EXOC4: variants seen among roughly 807,000 people sequenced by gnomAD.
The protein encoded by EXOC4 is SEC8-like 1.
EXOC4 carries 71 observed loss-of-function variants against 107.2 expected under a neutral mutation model. That is an observed-to-expected ratio of 0.66 (90% CI 0.55 to 0.81). The LOEUF (loss-of-function observed/expected upper bound fraction) is 0.81, where lower values mean the gene tolerates loss of function less well. Among genes scored for constraint, EXOC4 ranks in the 30% least tolerant of loss-of-function variants. The probability of loss-of-function intolerance (pLI) is 0.00; values close to 1 mark genes in which losing one functional copy is unlikely to be tolerated. For missense variants in EXOC4, 1,108 were observed against 1,189.6 expected (o/e 0.93, Z 1.01); for synonymous variants, 456 against 441.2 (o/e 1.03, Z -0.42).
intron 1 of EXOC4, among the ~76,000 whole-genome samples, chr7:133,269,004 A>G (rs1004437503): frequency 6.6e-6 from 1 of 152,226 alleles, no homozygotes; most frequent in South Asian, 2.1e-4. Flanking sequence ...ACAATAATTT[A>G]TAAGTCATAA....
intron 9 of EXOC4, among the ~76,000 whole-genome samples, chr7:133,543,377 G>A (rs2150933826): frequency 6.6e-6 from 1 of 152,066 alleles, no homozygotes; most frequent in Admixed American, 6.5e-5. Flanking sequence ...CCCTAGTGTT[G>A]AGTCTCAGAG....
chr7:133,655,783 C>A (rs1338396371), intron 10 of EXOC4, among the ~76,000 whole-genome samples: 5 of 152,166 alleles, frequency 3.3e-5, no homozygotes, highest in Non-Finnish European at 7.4e-5. Context: ...GGCAGCTTTA[C>A]TGTTAACTTT....
intron 11 of EXOC4, among the ~76,000 whole-genome samples, chr7:133,824,374 G>C (rs576956586): frequency 1.4e-4 from 21 of 152,044 alleles, no homozygotes; most frequent in African/African-American, 4.8e-4. Flanking sequence ...CTCATCACCA[G>C]CTTGCTGTTT....
intron 9 of EXOC4, among the ~76,000 whole-genome samples, chr7:133,625,993 G>C (rs1375727464): frequency 6.6e-6 from 1 of 152,154 alleles, no homozygotes; most frequent in Non-Finnish European, 1.5e-5. Flanking sequence ...GATCACTTGA[G>C]GTCAGGAGTT....
chr7:134,042,622 C>T (rs1795546647), intron 17 of EXOC4, among the ~76,000 whole-genome samples: 1 of 152,214 alleles, frequency 6.6e-6, no homozygotes, highest in Non-Finnish European at 1.5e-5. Context: ...AGAAAGGTTA[C>T]AGGCTTTGGG....
At chr7:133,754,702 A>G (rs1340417910) in intron 10 of EXOC4, among the ~76,000 whole-genome samples, 1 of 152,228 alleles carries the variant, frequency 6.6e-6, no homozygotes, top group East Asian at 1.9e-4. Context: ...TTAAAGTCCA[A>G]CTTGATTTTA....
At chr7:133,882,411 T>C (rs566005323) in intron 11 of EXOC4, among the ~76,000 whole-genome samples, 2 of 152,218 alleles carry the variant, frequency 1.3e-5, no homozygotes, top group African/African-American at 4.8e-5. Context: ...TACTTAACTT[T>C]ACTCACTCAG....
At chr7:133,896,844 T>TTTTTTTTTTTTTTTTTTTTTTG (rs1198817578) in intron 12 of EXOC4, among the ~76,000 whole-genome samples, 2 of 87,824 alleles carry the variant, frequency 2.3e-5, no homozygotes, top group African/African-American at 2.3e-4. Context: ...TTTGTATTTT[T>TTTTTTTTTTTTTTTTTTTTTTG]AGTAGAGATG....
chr7:133,349,850 G>A (rs1010860545), intron 5 of EXOC4, among the ~76,000 whole-genome samples: 4 of 148,566 alleles, frequency 2.7e-5, no homozygotes, highest in African/African-American at 7.5e-5. Flanking sequence ...GTTTTTTTTT[G>A]GGGGGGGTGA....
At chr7:133,654,272 G>A (rs1406787384) in intron 10 of EXOC4, among the ~76,000 whole-genome samples, 1 of 152,162 alleles carries the variant, frequency 6.6e-6, no homozygotes, top group Admixed American at 6.5e-5. Context: ...CAGCAATACA[G>A]CTGAGGTTCA....
At chr7:133,819,697 A>G (rs1490397584) in intron 11 of EXOC4, among the ~76,000 whole-genome samples, 2 of 152,170 alleles carry the variant, frequency 1.3e-5, no homozygotes, top group South Asian at 2.1e-4. Flanking sequence ...CTGAAGTGTC[A>G]CGCTATATGC....
At chr7:133,820,058 A>G (rs1797475520) in intron 11 of EXOC4, among the ~76,000 whole-genome samples, 1 of 152,050 alleles carries the variant, frequency 6.6e-6, no homozygotes, top group South Asian at 2.1e-4. Flanking sequence ...GACCTTGTCA[A>G]CATATAATTA....
chr7:134,035,659 C>A (rs1053251965), intron 17 of EXOC4, among the ~76,000 whole-genome samples: 2 of 151,992 alleles, frequency 1.3e-5, no homozygotes, highest in South Asian at 4.2e-4. Flanking sequence ...TATGAAGTCC[C>A]AAGGTAGGGT....
chr7:133,441,949 G>A (rs1169915784), intron 7 of EXOC4, among the ~76,000 whole-genome samples: 3 of 152,178 alleles, frequency 2.0e-5, no homozygotes, highest in Non-Finnish European at 4.4e-5. Flanking sequence ...TGGGGACAGT[G>A]CATTGCTGCT....
At chr7:133,356,745 C>G (rs965582094) in intron 6 of EXOC4, among the ~76,000 whole-genome samples, 172 bp downstream of exon 6, 1 of 152,194 alleles carries the variant, frequency 6.6e-6, no homozygotes, top group Non-Finnish European at 1.5e-5. Context: ...CTTTGGGAGG[C>G]TGAGGCAGGC....
intron 17 of EXOC4, among the ~76,000 whole-genome samples, chr7:134,017,975 A>G (rs553386892): frequency 6.6e-6 from 1 of 152,254 alleles, no homozygotes; most frequent in Non-Finnish European, 1.5e-5. Context: ...AGAGATTAGC[A>G]TAGATAGCGA....
chr7:133,591,339 A>G (rs1283026082), intron 9 of EXOC4, among the ~76,000 whole-genome samples: 1 of 152,130 alleles, frequency 6.6e-6, no homozygotes, highest in East Asian at 1.9e-4. Context: ...AGCCTTCACC[A>G]TAATTTTGAT....
chr7:133,718,580 C>T (rs1227828776), intron 10 of EXOC4, among the ~76,000 whole-genome samples: 7 of 152,256 alleles, frequency 4.6e-5, no homozygotes, highest in African/African-American at 1.2e-4. Flanking sequence ...TAAGAATTTG[C>T]ACCCTAGAAG....
At chr7:133,406,470 G>A (rs1038127859) in intron 7 of EXOC4, among the ~76,000 whole-genome samples, 1 of 151,794 alleles carries the variant, frequency 6.6e-6, no homozygotes, top group African/African-American at 2.4e-5. Context: ...TTAAAAACCT[G>A]GTTTTACCCT....
Sources: gnomAD v4.1 joint callset for allele counts (sites outside exome capture counted in the v4.1 genomes callset) on GRCh38, gnomAD v4.1.1 for gene constraint, MANE v1.5 for transcripts, NCBI Gene and HGNC (gene_info 2026-07-23, HGNC 2026-07-21) for gene names.